Variants in TRIM25 observed in about 807,000 individuals in gnomAD.
The protein encoded by TRIM25 is E3 ubiquitin/ISG15 ligase TRIM25.
TRIM25 carries 45 observed loss-of-function variants against 65.2 expected under a neutral mutation model. The ratio of observed to expected loss-of-function variants is 0.69; its 90% CI spans 0.54 to 0.89. TRIM25 has a LOEUF of 0.89. TRIM25 is among the 40% of genes least tolerant of loss of function. The pLI is 0.00. For synonymous variants in TRIM25, 321 were observed against 340.4 expected (o/e 0.94, Z 0.63); for missense variants, 714 against 803.7 (o/e 0.89, Z 1.35).
chr17:56,888,809 G>A lies in TRIM25; in HGVS notation c.*2891C>T, dbSNP rs1315939366. The A allele has an allele frequency of 6.6e-6, 1 of 152,288 alleles. No homozygotes were observed. Among genetic ancestry groups the A allele is most frequent in the African/African-American group, 2.4e-5 (1 of 41,450 alleles). The allele number at this position is 152,288 out of a possible 1,614,324, so 9.4% of individuals were successfully genotyped here. Reference sequence around the variant, plus strand: ...AATCTCAACCCTTGGGAGCCCTTGGGTGGGGCCTGGGCAGGTCCCTGGGCA... The same window carrying A: ...AATCTCAACCCTTGGGAGCCCTTGGATGGGGCCTGGGCAGGTCCCTGGGCA... On this transcript the variant is annotated 3_prime_UTR_variant, in exon 9 of 9. Coordinates refer to ENST00000316881, the MANE Select transcript of TRIM25 (RefSeq NM_005082.5).
intron 2 of TRIM25, among the ~76,000 whole-genome samples, chr17:56,907,031 G>A (rs190652061): frequency 2.0e-3 from 312 of 152,318 alleles, no homozygotes; most frequent in African/African-American, 7.3e-3. Flanking sequence ...TTGTGTAAAG[G>A]AAAATTGCTT....
Position 56,889,015 on chromosome 17 carries a change from C to T in TRIM25, c.*2685G>A, listed in dbSNP as rs1220469062. On this transcript the variant is annotated 3_prime_UTR_variant, in exon 9 of 9. Coordinates refer to ENST00000316881, the MANE Select transcript of TRIM25 (RefSeq NM_005082.5). The stretch of plus-strand genomic sequence containing the variant: ...CATGATTATCTCCTTAAAGAGTTAA[C>T]TCTAAAAAAATATTAAGCTCAAGAA... The T allele has an allele frequency of 1.3e-5, 2 of 152,160 alleles. No individual in the cohort carries two copies. The highest frequency in any genetic ancestry group is 4.8e-5 in the African/African-American group (2 of 41,430). The allele number at this position is 152,160 out of a possible 1,614,324, so 9.4% of individuals were successfully genotyped here. A position where few individuals can be genotyped will look rare whatever the true frequency, so the allele number is the denominator to read the frequency against.
At chr17:56,892,293 C>A in intron 8 of TRIM25, 64 bp from the exon 9 acceptor site, 3 of 1,504,816 alleles carry the variant, frequency 2.0e-6, no homozygotes, top group Non-Finnish European at 2.7e-6. Context: ...TAGACCTTTG[C>A]CAAAGTGGTA....
chr17:56,894,775 G>A (rs985971129), intron 8 of TRIM25, among the ~76,000 whole-genome samples: 1 of 152,234 alleles, frequency 6.6e-6, no homozygotes, highest in African/African-American at 2.4e-5. Context: ...CCAGAGCCCA[G>A]GGCCAGGGGG....
chr17:56,894,486 G>A (rs928549773), intron 8 of TRIM25, among the ~76,000 whole-genome samples: 38 of 152,208 alleles, frequency 2.5e-4, no homozygotes, highest in Non-Finnish European at 2.2e-4. Context: ...CTGACCTCAG[G>A]TGATCCACCT....
At position 56,895,620 on chromosome 17, in the gene TRIM25, G is replaced by A; in HGVS notation, c.1181-16C>T. ...GGGACAGGGGCTGGGGGTAAGGAAAGGGAAATATGATACAGAGCAACGGGA... is the reference window on the plus strand; with the variant it reads ...GGGACAGGGGCTGGGGGTAAGGAAAAGGAAATATGATACAGAGCAACGGGA... On this transcript the variant is annotated splice_polypyrimidine_tract_variant and intron_variant, in intron 6 of 8. Coordinates refer to ENST00000316881, the MANE Select transcript of TRIM25 (RefSeq NM_005082.5). 1 of 1,546,024 alleles carries A rather than the reference G, an allele frequency of 6.5e-7. No homozygotes were observed. The highest frequency in any genetic ancestry group is 8.7e-7 in the Non-Finnish European group (1 of 1,146,044).
intron 3 of TRIM25, among the ~76,000 whole-genome samples, chr17:56,903,269 G>A (rs992428310): frequency 2.2e-4 from 34 of 152,206 alleles, no homozygotes; most frequent in African/African-American, 6.0e-4. Flanking sequence ...GCATGGTGGC[G>A]TGCGCCTGTA....
At position 56,913,920 on chromosome 17, in the gene TRIM25, C is replaced by G. The variant is rs1344133031; in HGVS notation, c.69G>C (p.Pro23=). 6.3e-7 allele frequency: 1 copy of G among 1,579,060 alleles called. No homozygotes were observed. The highest frequency in any genetic ancestry group is 1.8e-5 in the Admixed American group (1 of 54,342). ...CSICLEPFKE[P]VTTPCGHNFC... ...AGTTGTGGCCGCACGGAGTGGTGAC[C>G]GGCTCCTTGAAGGGCTCCAGGCAGA... Residue 23 remains proline (P), a synonymous_variant, in exon 1 of 9, where the codon CCG becomes CCC. Transcript: ENST00000316881. This position sits in a 1 kb window ranked among gnomAD's most constrained non-coding sequence, Gnocchi z 6.1.
At position 56,890,048 on chromosome 17, in the gene TRIM25, T is replaced by G; in HGVS notation, c.*1652A>C. 2.5e-6 allele frequency: 1 copy of G among 400,814 alleles called. No individual in the cohort carries two copies. The highest frequency in any genetic ancestry group is 4.0e-5 in the Admixed American group (1 of 25,256). 24.8% of individuals were successfully genotyped at this position (400,814 alleles called of 1,614,324 possible). A position where few individuals can be genotyped will look rare whatever the true frequency, so the allele number is the denominator to read the frequency against. On this transcript the variant is annotated 3_prime_UTR_variant, in exon 9 of 9. Coordinates refer to ENST00000316881, the MANE Select transcript of TRIM25 (RefSeq NM_005082.5). The stretch of plus-strand genomic sequence containing the variant: ...TCAAGTGTTCTGAGCCTGCCTAGAG[T>G]GCCCTAGAGTTCCAGCACGAGGCCT...
intron 2 of TRIM25, among the ~76,000 whole-genome samples, chr17:56,907,515 CT>C (rs1909543230): frequency 6.6e-6 from 1 of 152,188 alleles, no homozygotes; most frequent in African/African-American, 2.4e-5. Flanking sequence ...TGCAATAAAA[CT>C]GGTGCTGCAG....
At chr17:56,899,270 G>T in intron 4 of TRIM25, 90 bp from the exon 5 acceptor site, 1 of 1,328,428 alleles carries the variant, frequency 7.5e-7, no homozygotes, top group Non-Finnish European at 1.1e-6. Flanking sequence ...CAGGCAGAGG[G>T]TTTACACAGA....
chr17:56,899,264 C>T, intron 4 of TRIM25, 84 bp from the exon 5 acceptor site: 5 of 1,432,614 alleles, frequency 3.5e-6, no homozygotes, highest in Non-Finnish European at 4.9e-6. Context: ...GGTGGGCAGG[C>T]AGAGGGTTTA....
At chr17:56,899,313 G>A (rs900342147) in intron 4 of TRIM25, 133 bp from the exon 5 acceptor site, 67 of 772,522 alleles carry the variant, frequency 8.7e-5, no homozygotes, top group Admixed American at 7.9e-5. Context: ...CCATCCCATC[G>A]CTTACAAGAG....
At chr17:56,908,431 C>T in intron 2 of TRIM25, 37 bp downstream of exon 2, 2 of 1,604,022 alleles carry the variant, frequency 1.2e-6, no homozygotes, top group Non-Finnish European at 1.7e-6. Flanking sequence ...AGCGAAGCCA[C>T]AGGGCAGGGC....
Position 56,904,251 on chromosome 17 carries a change from C to T in TRIM25, c.927+4G>A, listed in dbSNP as rs1909473843. 2.5e-6 allele frequency: 4 copies of T among 1,606,658 alleles called. No homozygotes were observed. Among genetic ancestry groups the T allele is most frequent in the African/African-American group, 1.3e-5 (1 of 74,376 alleles). Reference sequence around the variant, plus strand: ...ACATTCAACAATGCCTTGTGGCGACCTACCTCCAGAAACTCGAACTCATCC... The same window carrying T: ...ACATTCAACAATGCCTTGTGGCGACTTACCTCCAGAAACTCGAACTCATCC... On this transcript the variant is annotated splice_donor_region_variant and intron_variant, in intron 3 of 8. Transcript: ENST00000316881.
chr17:56,895,113 G>A (rs1345371268), intron 8 of TRIM25, among the ~76,000 whole-genome samples: 2 of 152,248 alleles, frequency 1.3e-5, no homozygotes, highest in Non-Finnish European at 2.9e-5. Context: ...AATTGGGCCA[G>A]ACTAGACGGC....
intron 1 of TRIM25, among the ~76,000 whole-genome samples, chr17:56,909,248 C>T (rs1307937470): frequency 6.6e-6 from 1 of 151,932 alleles, no homozygotes; most frequent in East Asian, 1.9e-4. Context: ...GAGAGATAAG[C>T]CTGATATCTA....
In TRIM25 at chr17:56,909,453, G is replaced by A. The variant is rs1309322556; in HGVS notation, c.598-890C>T. On this transcript the variant is annotated intron_variant, in intron 1 of 8. Coordinates refer to ENST00000316881, the MANE Select transcript of TRIM25 (RefSeq NM_005082.5). ...TAATCCTAGCACTTTAGGAGGCCCA[G>A]GCAGGTGGATCATTTGCTCTCAGGA... is the stretch of plus-strand genomic sequence containing the variant. 1.2e-4 allele frequency among the ~76,000 whole-genome samples: 19 copies of A among 152,246 alleles called. No homozygotes were observed. The East Asian group carries it at 3.5e-3, about 28-fold the overall frequency.
chr17:56,901,779 G>T (rs1160999598), intron 3 of TRIM25, among the ~76,000 whole-genome samples: 1 of 152,154 alleles, frequency 6.6e-6, no homozygotes, highest in Admixed American at 6.5e-5. Flanking sequence ...GGACCCCAGA[G>T]GTCACTCATC....
Sources: gnomAD v4.1 joint callset for allele counts (sites outside exome capture counted in the v4.1 genomes callset) on GRCh38, gnomAD v4.1.1 for gene constraint, Gnocchi (gnomAD v3.1) non-coding constraint, MANE v1.5 for transcripts, NCBI Gene and HGNC (gene_info 2026-07-23, HGNC 2026-07-21) for gene names.